DCDC1: variants seen among roughly 807,000 people sequenced by gnomAD.
DCDC1 encodes the protein doublecortin domain containing 1.
Under a neutral mutation model 178.3 loss-of-function variants are expected in DCDC1, and 200 were observed. The observed-to-expected ratio is 1.12, with a 90% CI of 1.00 to 1.26. The LOEUF (loss-of-function observed/expected upper bound fraction) is 1.26, where lower values mean the gene tolerates loss of function less well. Among genes scored for constraint, DCDC1 ranks in the 50% most tolerant of loss-of-function variants. The pLI is 0.00. For missense variants in DCDC1, 1,983 were observed against 1,749.2 expected (o/e 1.13, Z -2.38); for synonymous variants, 690 against 604.8 (o/e 1.14, Z -2.07).
intron 20 of DCDC1, among the ~76,000 whole-genome samples, chr11:31,061,424 T>C (rs1955911427): frequency 6.6e-6 from 1 of 152,120 alleles, no homozygotes. Context: ...CACACTTCTA[T>C]GCCTACTTTT....
intron 21 of DCDC1, among the ~76,000 whole-genome samples, chr11:30,949,309 C>T (rs981771312): frequency 6.6e-6 from 1 of 152,180 alleles, no homozygotes; most frequent in Admixed American, 6.5e-5. Flanking sequence ...AATGAGATAC[C>T]ATCTCACGCC....
intron 8 of DCDC1, among the ~76,000 whole-genome samples, chr11:31,250,415 C>CACACACACACACACACACACATATAT (rs1223526182): frequency 2.7e-5 from 2 of 73,662 alleles, no homozygotes; most frequent in Non-Finnish European, 5.7e-5. Context: ...CACACACACA[C>CACACACACACACACACACACATATAT]ATATACATAT....
intron 7 of DCDC1, among the ~76,000 whole-genome samples, chr11:31,269,490 C>T (rs763830430): frequency 6.6e-6 from 1 of 151,792 alleles, no homozygotes; most frequent in South Asian, 2.1e-4. Context: ...TCAGGCAATC[C>T]TACTAGGTCT....
chr11:31,129,256 CA>C (rs1962093116), intron 10 of DCDC1, among the ~76,000 whole-genome samples: 1 of 151,872 alleles, frequency 6.6e-6, no homozygotes, highest in South Asian at 2.1e-4. Context: ...TGACTTTTAC[CA>C]AGACCTTTAC....
chr11:31,323,452 AC>A (rs1374624402), intron 3 of DCDC1, among the ~76,000 whole-genome samples: 3 of 152,218 alleles, frequency 2.0e-5, no homozygotes, highest in Non-Finnish European at 4.4e-5. Flanking sequence ...ATCAAATCTA[AC>A]AACCACTCTT....
chr11:31,037,677 A>T (rs1456669627), intron 20 of DCDC1, among the ~76,000 whole-genome samples: 1 of 151,822 alleles, frequency 6.6e-6, no homozygotes, highest in Non-Finnish European at 1.5e-5. Context: ...GTTAGCCAGG[A>T]TGGTCTCGAT....
At chr11:30,981,011 TA>T (rs1416859236) in intron 20 of DCDC1, among the ~76,000 whole-genome samples, 3 of 152,168 alleles carry the variant, frequency 2.0e-5, no homozygotes, top group South Asian at 2.1e-4. Context: ...AACATAGCCA[TA>T]AAAAAATAAA....
At chr11:31,362,503 C>T (rs1037436797) in intron 1 of DCDC1, among the ~76,000 whole-genome samples, 1 of 152,184 alleles carries the variant, frequency 6.6e-6, no homozygotes, top group Non-Finnish European at 1.5e-5. Context: ...TTCCTCATCA[C>T]TTCAGACGAT....
At chr11:31,181,275 G>A (rs1414522253) in intron 9 of DCDC1, among the ~76,000 whole-genome samples, 1 of 152,174 alleles carries the variant, frequency 6.6e-6, no homozygotes, top group African/African-American at 2.4e-5. Flanking sequence ...GGAAGGGGAG[G>A]CTGTGGGTAC....
At chr11:31,217,627 C>T (rs1188347919) in intron 9 of DCDC1, among the ~76,000 whole-genome samples, 4 of 152,090 alleles carry the variant, frequency 2.6e-5, no homozygotes, top group African/African-American at 4.8e-5. Flanking sequence ...CATTGTTTAT[C>T]CACTGAAACT....
intron 9 of DCDC1, among the ~76,000 whole-genome samples, chr11:31,158,415 C>A (rs1184400259): frequency 1.3e-5 from 2 of 152,150 alleles, no homozygotes; most frequent in Non-Finnish European, 2.9e-5. Context: ...CCGCGCCTGG[C>A]CAAGCCAATA....
rs558249167 is a variant in DCDC1 at position 31,149,363 on chromosome 11, C to T, written c.1222-11579G>A. Reference sequence around the variant, plus strand: ...CTGTGTCTAGCTAAAGGCTTGTAAACGCACCAATCAGCACTCTATAAAATG... The same window carrying T: ...CTGTGTCTAGCTAAAGGCTTGTAAATGCACCAATCAGCACTCTATAAAATG... On this transcript the variant is annotated intron_variant, in intron 9 of 38. Transcript: ENST00000684477. Among the ~76,000 whole-genome samples, 17 of 152,138 alleles carry T rather than the reference C, an allele frequency of 1.1e-4. No individual in the cohort carries two copies. The South Asian group carries it at 1.9e-3, about 17-fold the overall frequency.
At chr11:31,242,989 T>C (rs1977357990) in intron 8 of DCDC1, among the ~76,000 whole-genome samples, 1 of 151,862 alleles carries the variant, frequency 6.6e-6, no homozygotes. Flanking sequence ...TTGAAACATC[T>C]TCTTAGATGT....
intron 15 of DCDC1, among the ~76,000 whole-genome samples, chr11:31,101,922 C>G (rs1462496066): frequency 6.6e-6 from 1 of 151,876 alleles, no homozygotes; most frequent in South Asian, 2.1e-4. Context: ...ACGAAAAGTA[C>G]AAAAATTAGC....
At chr11:31,114,560 A>C (rs1274104590) in intron 11 of DCDC1, among the ~76,000 whole-genome samples, 2 of 152,174 alleles carry the variant, frequency 1.3e-5, no homozygotes, top group Non-Finnish European at 2.9e-5. Context: ...TTAGAGGTAA[A>C]AGAGTTAGCC....
chr11:31,198,023 G>GT (rs1970882489), intron 9 of DCDC1, among the ~76,000 whole-genome samples: 1 of 152,156 alleles, frequency 6.6e-6, no homozygotes, highest in Admixed American at 6.6e-5. Context: ...CGTACAATGT[G>GT]TATGTGTATT....
At chr11:31,166,239 C>T (rs1408595169) in intron 9 of DCDC1, among the ~76,000 whole-genome samples, 1 of 152,102 alleles carries the variant, frequency 6.6e-6, no homozygotes, top group Non-Finnish European at 1.5e-5. Flanking sequence ...TTATTTCTCT[C>T]TCAAGTTTCT....
intron 21 of DCDC1, among the ~76,000 whole-genome samples, chr11:30,936,311 C>T (rs1014826183): frequency 6.6e-6 from 1 of 152,096 alleles, no homozygotes; most frequent in Non-Finnish European, 1.5e-5. Flanking sequence ...TGGGGCTGTC[C>T]TAATCCTAAT....
chr11:31,230,817 TA>T lies in DCDC1; in HGVS notation c.1221+10632del, dbSNP rs569398813. 3.8e-3 allele frequency among the ~76,000 whole-genome samples: 583 copies of T among 152,304 alleles called. 9 individuals are homozygous for T. The highest frequency in any genetic ancestry group is 0.014 in the African/African-American group (572 of 41,556). ...TCTGGCATGTTATAAATATTGTCAT[TA>T]CCAAAGAAAACTGTTAAATTGGTTT... is the stretch of plus-strand genomic sequence containing the variant. On this transcript the variant is annotated intron_variant, in intron 9 of 38. Transcript: ENST00000684477.
Sources: allele counts gnomAD v4.1 joint callset (sites outside exome capture counted in the v4.1 genomes callset), GRCh38; gene constraint gnomAD v4.1.1; transcripts MANE v1.5; gene names NCBI Gene and HGNC (gene_info 2026-07-23, HGNC 2026-07-21).